Variants in SRGAP1 observed in about 807,000 individuals in gnomAD.
SRGAP1 encodes the protein SLIT-ROBO Rho GTPase-activating protein 1.
A neutral mutation model predicts 121.9 loss-of-function variants in SRGAP1; 43 were observed. The observed-to-expected ratio is 0.35, with a 90% CI of 0.28 to 0.46. SRGAP1 has a LOEUF of 0.46. Ranked by LOEUF, SRGAP1 falls within the 20% of genes least tolerant of loss-of-function variation. The pLI, the probability that SRGAP1 is intolerant of heterozygous loss-of-function variation, is 1.00. For missense variants in SRGAP1, 1,102 were observed against 1,350.9 expected, an observed-to-expected ratio of 0.82 and a Z score of 2.89; for synonymous variants, 447 against 485.4, an observed-to-expected ratio of 0.92 and a Z score of 1.04.
chr12:63,997,800 A>G (rs537012477), intron 3 of SRGAP1, among the ~76,000 whole-genome samples: 2 of 152,212 alleles, frequency 1.3e-5, no homozygotes, highest in Non-Finnish European at 2.9e-5. Flanking sequence ...TGAAAATTTC[A>G]CTTGGATTAT....
At chr12:63,963,927 T>C (rs950617873) in intron 1 of SRGAP1, among the ~76,000 whole-genome samples, 3 of 152,212 alleles carry the variant, frequency 2.0e-5, no homozygotes, top group African/African-American at 7.2e-5. Flanking sequence ...ATTTTTTAAA[T>C]CAACAGGTTG....
In SRGAP1 at chr12:64,091,198, A is replaced by G. The variant is rs190154079; in HGVS notation, c.1437-78A>G. On this transcript the variant is annotated intron_variant, in intron 11 of 21. Coordinates refer to ENST00000355086, the MANE Select transcript of SRGAP1 (RefSeq NM_020762.4). ...GGAACCCAAGATTCCCGTGTTTTGT[A>G]ATATTGATGTGACCTATAGATGTTT... is the stretch of plus-strand genomic sequence containing the variant. The G allele has an allele frequency of 1.2e-3, 1,230 of 991,144 alleles. 3 individuals carry two copies. Among genetic ancestry groups the G allele is most frequent in the South Asian group, 1.7e-3 (66 of 38,004 alleles). 61.4% of individuals were successfully genotyped at this position (991,144 alleles called of 1,614,324 possible). A position where few individuals can be genotyped will look rare whatever the true frequency, so the allele number is the denominator to read the frequency against.
At chr12:64,015,417 C>T (rs966079382) in intron 3 of SRGAP1, among the ~76,000 whole-genome samples, 2 of 152,168 alleles carry the variant, frequency 1.3e-5, no homozygotes, top group Non-Finnish European at 2.9e-5. Flanking sequence ...CACAGCAAGA[C>T]ACAAAATCCT....
chr12:63,987,128 C>T (rs548786015), intron 2 of SRGAP1, among the ~76,000 whole-genome samples: 9 of 152,270 alleles, frequency 5.9e-5, no homozygotes, highest in Admixed American at 2.0e-4. Context: ...CTCTTTGATA[C>T]GATTGATAAC....
intron 5 of SRGAP1, 45 bp downstream of exon 5, chr12:64,043,017 A>G: frequency 7.2e-7 from 1 of 1,383,788 alleles, no homozygotes; most frequent in African/African-American, 1.4e-5. Context: ...ATTTGAGGAG[A>G]CAATACTAAG....
intron 1 of SRGAP1, among the ~76,000 whole-genome samples, chr12:63,954,416 C>T (rs1490062029): frequency 6.6e-6 from 1 of 152,160 alleles, no homozygotes; most frequent in Non-Finnish European, 1.5e-5. Context: ...CCATGGCTCA[C>T]GCCTGTAATC....
chr12:64,096,823 T>C (rs2036163782), intron 14 of SRGAP1, among the ~76,000 whole-genome samples: 1 of 152,218 alleles, frequency 6.6e-6, no homozygotes, highest in Non-Finnish European at 1.5e-5. Context: ...TAAATTTTGC[T>C]GACCCATATA....
At chr12:64,090,524 G>A (rs114668205) in intron 11 of SRGAP1, among the ~76,000 whole-genome samples, 311 of 152,244 alleles carry the variant, frequency 2.0e-3, no homozygotes, top group African/African-American at 6.6e-3. Flanking sequence ...GAGGGGTATC[G>A]AACAGATGTG....
chr12:64,086,256 C>T (rs766540109), intron 10 of SRGAP1, among the ~76,000 whole-genome samples: 2 of 152,154 alleles, frequency 1.3e-5, no homozygotes, highest in African/African-American at 2.4e-5. Context: ...CCCACTACTC[C>T]GCCCTAAATG....
At chr12:64,007,498 G>A (rs948729931) in intron 3 of SRGAP1, among the ~76,000 whole-genome samples, 2 of 152,254 alleles carry the variant, frequency 1.3e-5, no homozygotes, top group South Asian at 2.1e-4. Context: ...ACCTCTTGCT[G>A]TGTGGCCCAG....
Position 64,147,629 on chromosome 12 carries a change from C to CATT in SRGAP1, c.*4958_*4960dup. The CATT allele has an allele frequency of 2.5e-6, 1 of 398,714 alleles. No individual in the cohort carries two copies. The allele number at this position is 398,714 out of a possible 1,614,324, so 24.7% of individuals were successfully genotyped here. ...GCCCGTGCTCTGTACTGCCTCTCAC[C>CATT]ATTTCATTCCCTCCTCTCTGAGGTG... On this transcript the variant is annotated 3_prime_UTR_variant, in exon 22 of 22. Transcript: ENST00000355086.
chr12:64,152,308 G>C lies in SRGAP1; in HGVS notation c.*9636G>C, dbSNP rs1023248229. 6.6e-6 allele frequency: 1 copy of C among 152,164 alleles called. No individual in the cohort carries two copies. The highest frequency in any genetic ancestry group is 1.5e-5 in the Non-Finnish European group (1 of 68,048). 9.4% of individuals were successfully genotyped at this position (152,164 alleles called of 1,614,324 possible). On this transcript the variant is annotated 3_prime_UTR_variant, in exon 22 of 22. Transcript: ENST00000355086. ...GGTCACACAGCTAGATAGTGACAGA[G>C]CAGGATTTGATTCCACGCCATCTGG...
chr12:64,069,660 A>G (rs1478331935), intron 8 of SRGAP1, among the ~76,000 whole-genome samples: 1 of 152,094 alleles, frequency 6.6e-6, no homozygotes, highest in African/African-American at 2.4e-5. Flanking sequence ...AATAAACATT[A>G]CTTTTGTTTT....
intron 11 of SRGAP1, among the ~76,000 whole-genome samples, chr12:64,087,720 C>CG (rs2035975180): frequency 6.6e-6 from 1 of 151,744 alleles, no homozygotes; most frequent in Admixed American, 6.6e-5. Context: ...TGGGCAAGAG[C>CG]GAGACTCCAT....
At chr12:64,061,444 T>C (rs1209361684) in intron 6 of SRGAP1, among the ~76,000 whole-genome samples, 7 of 152,230 alleles carry the variant, frequency 4.6e-5, no homozygotes, top group Non-Finnish European at 5.9e-5. Context: ...TAAATGATTG[T>C]ATCAGTATCA....
intron 3 of SRGAP1, among the ~76,000 whole-genome samples, chr12:64,008,888 A>G (rs17099997): frequency 0.033 from 4,979 of 152,196 alleles, 284 homozygotes; most frequent in African/African-American, 0.11. Flanking sequence ...GAGTAAGCTT[A>G]TGGGTTTCCT....
chr12:63,964,324 G>GA (rs1270433065), intron 1 of SRGAP1, among the ~76,000 whole-genome samples: 1 of 152,116 alleles, frequency 6.6e-6, no homozygotes, highest in Non-Finnish European at 1.5e-5. Context: ...ACTATTATTA[G>GA]ATATCTTATA....
At position 64,078,929 on chromosome 12, in the gene SRGAP1, C is replaced by T. The variant is rs1319353781; in HGVS notation, c.1136C>T (p.Thr379Met). Residue 379 changes from threonine (T) to methionine (M), a missense_variant, in exon 9 of 22, where the codon ACG becomes ATG. Thr to Met is a moderately conservative substitution (Grantham distance 81). This residue lies in a region of SRGAP1 where 747 missense variants were observed against 929.4 expected (regional missense o/e 0.80). Coordinates refer to ENST00000355086, the MANE Select transcript of SRGAP1 (RefSeq NM_020762.4). ...TATTTCTATTCCCAGGTTAAGAAAACGACTGAAGCCACCTTGCAGACGATA... is the reference window on the plus strand; with the variant it reads ...TATTTCTATTCCCAGGTTAAGAAAATGACTGAAGCCACCTTGCAGACGATA... ...LKIENEEVKK[T>M]TEATLQTIQD... The T allele has an allele frequency of 1.2e-6, 2 of 1,613,238 alleles. No individual in the cohort carries two copies. Among genetic ancestry groups the T allele is most frequent in the Non-Finnish European group, 1.7e-6 (2 of 1,179,932 alleles).
At chr12:64,054,716 T>C (rs1373752532) in intron 6 of SRGAP1, among the ~76,000 whole-genome samples, 2 of 146,658 alleles carry the variant, frequency 1.4e-5, no homozygotes, top group Non-Finnish European at 3.0e-5. Context: ...GCTTTTTTTG[T>C]TTTGTTTTGT....
Sources: gnomAD v4.1 joint callset for allele counts (sites outside exome capture counted in the v4.1 genomes callset) on GRCh38, gnomAD v4.1.1 for gene constraint, gnomAD v4.1.1 regional missense constraint, MANE v1.5 for transcripts, NCBI Gene and HGNC (gene_info 2026-07-23, HGNC 2026-07-21) for gene names.